ASPH: variants seen among roughly 807,000 people sequenced by gnomAD.
ASPH encodes the protein aspartyl/asparaginyl beta-hydroxylase.
In ASPH, 100 loss-of-function variants were observed where a neutral mutation model predicts 118.4. The ratio of observed to expected loss-of-function variants is 0.84; its 90% CI spans 0.72 to 1.00. The LOEUF (loss-of-function observed/expected upper bound fraction) is 1.00. ASPH is among the 50% of genes least tolerant of loss of function. The pLI, the probability that ASPH is intolerant of heterozygous loss-of-function variation, is 0.00. For missense variants in ASPH, 920 were observed against 919.5 expected (o/e 1.00, Z -0.01); for synonymous variants, 315 against 325.6 (o/e 0.97, Z 0.35).
rs1446448685 is a variant in ASPH at position 61,533,437 on chromosome 8, T to G, written c.1765-7325A>C. On this transcript the variant is annotated intron_variant, in intron 21 of 24. Transcript: ENST00000379454. Reference sequence around the variant, plus strand: ...TCTTTTGTTCCCTACATTTTCTCGATTTCCCACAAGCTACATCATTCTTTT... The same window carrying G: ...TCTTTTGTTCCCTACATTTTCTCGAGTTCCCACAAGCTACATCATTCTTTT... Among the ~76,000 whole-genome samples, 9 of 152,204 alleles carry G rather than the reference T, an allele frequency of 5.9e-5. No individual in the cohort carries two copies. In the East Asian group the frequency reaches 1.7e-3, roughly 29 times the overall value.
At chr8:61,508,645 C>G (rs1042567796) in intron 24 of ASPH, among the ~76,000 whole-genome samples, 1 of 152,200 alleles carries the variant, frequency 6.6e-6, no homozygotes, top group East Asian at 1.9e-4. Context: ...GTGATTTTCA[C>G]GCAAAGGAAT....
intron 3 of ASPH, among the ~76,000 whole-genome samples, chr8:61,676,765 G>A (rs946700490): frequency 2.0e-5 from 3 of 151,936 alleles, no homozygotes; most frequent in African/African-American, 4.8e-5. Context: ...ACACACATTC[G>A]TTCATTTGTT....
At chr8:61,574,766 G>A (rs1292342109) in intron 16 of ASPH, among the ~76,000 whole-genome samples, 1 of 152,092 alleles carries the variant, frequency 6.6e-6, no homozygotes, top group Non-Finnish European at 1.5e-5. Flanking sequence ...GATGGGTGCA[G>A]CAAACCACCA....
intron 3 of ASPH, chr8:61,663,583 A>G (rs1818005454): frequency 1.0e-6 from 1 of 985,326 alleles, no homozygotes; most frequent in Non-Finnish European, 1.2e-6. Flanking sequence ...AGTGCCCTGT[A>G]TCTGCCAAAC....
chr8:61,518,963 CAGAG>C (rs1178015791), intron 22 of ASPH, among the ~76,000 whole-genome samples: 1 of 152,148 alleles, frequency 6.6e-6, no homozygotes, highest in African/African-American at 2.4e-5. Flanking sequence ...TGCAATTTAC[CAGAG>C]AGAGGAACTG....
chr8:61,607,384 C>T (rs1404208097), intron 14 of ASPH: 7 of 635,878 alleles, frequency 1.1e-5, no homozygotes, highest in East Asian at 2.8e-5. Context: ...CATCCATACA[C>T]GCTGACTTTT....
intron 17 of ASPH, among the ~76,000 whole-genome samples, chr8:61,565,871 C>G (rs1445720310): frequency 6.6e-6 from 1 of 152,136 alleles, no homozygotes; most frequent in Non-Finnish European, 1.5e-5. Context: ...TTTGAAAAAC[C>G]TGGGGCCCTT....
chr8:61,580,655 T>C (rs1482482779), intron 15 of ASPH, among the ~76,000 whole-genome samples: 1 of 152,244 alleles, frequency 6.6e-6, no homozygotes, highest in Non-Finnish European at 1.5e-5. Context: ...TCCTTGTCTA[T>C]TCCCAGTATT....
intron 21 of ASPH, among the ~76,000 whole-genome samples, chr8:61,526,981 C>A (rs759545367): frequency 1.7e-4 from 26 of 152,116 alleles, no homozygotes; most frequent in Non-Finnish European, 2.8e-4. Context: ...TACAGATACA[C>A]CAGAATTTTG....
chr8:61,651,680 T>C (rs1307148270), intron 4 of ASPH, among the ~76,000 whole-genome samples: 1 of 152,214 alleles, frequency 6.6e-6, no homozygotes, highest in Non-Finnish European at 1.5e-5. Context: ...AAACCTTACA[T>C]TGTAACTGAC....
intron 21 of ASPH, among the ~76,000 whole-genome samples, chr8:61,543,510 G>A (rs766000620): frequency 9.2e-5 from 14 of 152,040 alleles, no homozygotes; most frequent in South Asian, 2.1e-4. Context: ...TTGGGGAGAC[G>A]TCATTGTAAT....
In ASPH at chr8:61,502,293, T is replaced by A. The variant is rs920204939; in HGVS notation, c.*1066A>T. On this transcript the variant is annotated 3_prime_UTR_variant, in exon 25 of 25. Transcript: ENST00000379454. ...GGACCTCCTACGCCCAAGAAAAACA[T>A]CCTGGCATTCTTGGTAACCTTTTAC... The A allele has an allele frequency of 1.3e-5, 2 of 152,190 alleles. No individual in the cohort carries two copies. Among genetic ancestry groups the A allele is most frequent in the Non-Finnish European group, 2.9e-5 (2 of 68,040 alleles). The allele number at this position is 152,190 out of a possible 1,614,324, so 9.4% of individuals were successfully genotyped here. A position where few individuals can be genotyped will look rare whatever the true frequency, so the allele number is the denominator to read the frequency against.
At position 61,693,298 on chromosome 8, in the gene ASPH, C is replaced by T. The variant is rs147634085; in HGVS notation, c.104-9110G>A. On this transcript the variant is annotated intron_variant, in intron 1 of 24. Transcript: ENST00000379454. The stretch of plus-strand genomic sequence containing the variant: ...CATAAACGCAACCTAATTCATGTTC[C>T]TCTTCACACCTTGTTTCTTGTTGGA... Among the ~76,000 whole-genome samples the T allele has an allele frequency of 8.5e-5, 13 of 152,308 alleles. No homozygotes were observed. The East Asian group carries it at 2.5e-3, about 29-fold the overall frequency.
At position 61,539,699 on chromosome 8, in the gene ASPH, G is replaced by GTGTGTGTGTGTGTGTGTGTGT. The variant is rs1554618408; in HGVS notation, c.1764+8371_1764+8372insACACACACACACACACACACA. On this transcript the variant is annotated intron_variant, in intron 21 of 24. Transcript: ENST00000379454. ...TGTGATGGTCACCTAACACTTCTGG[G>GTGTGTGTGTGTGTGTGTGTGT]GTGTGTGTGTGTGTGTGTGTGTGTG... Among the ~76,000 whole-genome samples the GTGTGTGTGTGTGTGTGTGTGT allele has an allele frequency of 8.0e-4, 99 of 124,302 alleles. 3 individuals carry two copies. The highest frequency in any genetic ancestry group is 3.5e-3 in the Admixed American group (41 of 11,752). The allele number at this position is 124,302 out of a possible 152,430, so 81.5% of individuals were successfully genotyped here. A position where few individuals can be genotyped will look rare whatever the true frequency, so the allele number is the denominator to read the frequency against.
intron 3 of ASPH, chr8:61,665,648 G>C (rs1440265908): frequency 4.6e-6 from 7 of 1,517,550 alleles, no homozygotes; most frequent in Non-Finnish European, 6.1e-6. Flanking sequence ...TTTATTGACA[G>C]GATCTCTTAA....
chr8:61,630,915 A>T (rs949034216), intron 13 of ASPH, among the ~76,000 whole-genome samples: 7 of 152,178 alleles, frequency 4.6e-5, no homozygotes, highest in Admixed American at 1.3e-4. Context: ...GTTATTACAC[A>T]TGAAGACCTT....
chr8:61,671,510 A>G (rs1204833198), intron 3 of ASPH, among the ~76,000 whole-genome samples: 1 of 152,214 alleles, frequency 6.6e-6, no homozygotes. Flanking sequence ...TAATTAATAG[A>G]ATATATTCCA....
chr8:61,642,145 A>G (rs918809502), intron 10 of ASPH, among the ~76,000 whole-genome samples: 1 of 152,214 alleles, frequency 6.6e-6, no homozygotes, highest in Admixed American at 6.5e-5. Flanking sequence ...CAAATTTGCC[A>G]GAACTGTTTT....
chr8:61,550,372 A>AAATG (rs1297702621), intron 20 of ASPH, among the ~76,000 whole-genome samples: 1 of 151,922 alleles, frequency 6.6e-6, no homozygotes, highest in East Asian at 1.9e-4. Flanking sequence ...GAAGTTAAAT[A>AAATG]TATTTTATAT....
Sources: allele counts gnomAD v4.1 joint callset (sites outside exome capture counted in the v4.1 genomes callset), GRCh38; gene constraint gnomAD v4.1.1; transcripts MANE v1.5; gene names NCBI Gene and HGNC (gene_info 2026-07-23, HGNC 2026-07-21).